The following TYW5 variants were observed in gnomAD, a reference collection of about 807,000 sequenced individuals.
The protein encoded by TYW5 is tRNA-yW synthesizing protein 5.
TYW5 carries 36 observed loss-of-function variants against 44.4 expected under a neutral mutation model. The ratio of observed to expected loss-of-function variants is 0.81; its 90% confidence interval spans 0.62 to 1.07. The LOEUF is 1.07. Ranked by LOEUF, TYW5 falls within the 50% of genes least tolerant of loss-of-function variation. The probability of loss-of-function intolerance (pLI) is 0.00; values close to 1 mark genes in which losing one functional copy is unlikely to be tolerated. For synonymous variants in TYW5, 121 were observed against 128.1 expected, an observed-to-expected ratio of 0.94 and a Z score of 0.37; for missense variants, 354 against 365.7, an observed-to-expected ratio of 0.97 and a Z score of 0.26.
intron 7 of TYW5, among the ~76,000 whole-genome samples, chr2:199,933,560 A>G (rs1401611379): frequency 6.6e-6 from 1 of 152,130 alleles, no homozygotes; most frequent in Non-Finnish European, 1.5e-5. Context: ...AGAAATAGCA[A>G]TTTTTCCTTT....
At chr2:199,951,255 T>C (rs1288899842) in intron 1 of TYW5, among the ~76,000 whole-genome samples, 1 of 152,216 alleles carries the variant, frequency 6.6e-6, no homozygotes, top group Admixed American at 6.5e-5. Context: ...AAGAACCTAC[T>C]GAGAACGTTA....
rs1381167106 is a variant in TYW5, at chr2:199,932,010, T to C, written c.*1057A>G. ...GGAAATCTTTAACTAGGCTAAGGTT[T>C]AGACATAGGTATAAATTATTTATTT... On this transcript the variant is annotated 3_prime_UTR_variant, in exon 8 of 8. Transcript: ENST00000354611. 1.1e-5 allele frequency: 1 copy of C among 92,378 alleles called. No homozygotes were observed. The highest frequency in any genetic ancestry group is 4.4e-5 in the African/African-American group (1 of 22,968). 5.7% of individuals were successfully genotyped at this position (92,378 alleles called of 1,614,324 possible).
intron 3 of TYW5, among the ~76,000 whole-genome samples, chr2:199,941,107 T>C (rs2077460848): frequency 6.6e-6 from 1 of 152,242 alleles, no homozygotes; most frequent in Non-Finnish European, 1.5e-5. Context: ...TCACCCAGGC[T>C]GGAGTGCAGT....
intron 1 of TYW5, among the ~76,000 whole-genome samples, chr2:199,952,819 G>A (rs975166122): frequency 6.6e-6 from 1 of 152,132 alleles, no homozygotes; most frequent in African/African-American, 2.4e-5. Flanking sequence ...CACAACTTGT[G>A]TAGTTTCATT....
Position 199,933,122 on chromosome 2 carries a change from G to A in TYW5, c.893C>T (p.Ala298Val). The change falls in exon 8 of 8, where the codon GCA becomes GTA. Residue 298 changes from alanine (A) to valine (V), a missense_variant. Coordinates refer to ENST00000354611, the MANE Select transcript of TYW5 (RefSeq NM_001039693.3). ...TTGAATGTGTAGGACCATTCGTCGT[G>A]CATAGAAGTCCCTATATTCCTCTGG... is the stretch of plus-strand genomic sequence containing the variant. ...ELPEEYRDFY[A>V]RRMVLHIQDK... The A allele has an allele frequency of 6.2e-7, 1 of 1,614,118 alleles. No homozygotes were observed. The highest frequency in any genetic ancestry group is 8.5e-7 in the Non-Finnish European group (1 of 1,179,998).
chr2:199,941,066 A>G (rs189861380), intron 3 of TYW5, among the ~76,000 whole-genome samples: 55 of 152,252 alleles, frequency 3.6e-4, no homozygotes, highest in African/African-American at 1.3e-3. Flanking sequence ...TTTTAAATTA[A>G]TTAATTGTTT....
intron 5 of TYW5, among the ~76,000 whole-genome samples, chr2:199,937,889 G>C (rs555332795): frequency 6.7e-6 from 1 of 149,602 alleles, no homozygotes; most frequent in East Asian, 1.9e-4. Context: ...CTGTGATTTA[G>C]AACTTAAAAA....
intron 2 of TYW5, chr2:199,944,383 CTGAAG>C (rs1402156631): frequency 6.6e-6 from 1 of 152,350 alleles, no homozygotes; most frequent in Non-Finnish European, 1.5e-5. Flanking sequence ...TTTAAGGCTT[CTGAAG>C]AATAGCTCAA....
At chr2:199,955,316 C>G (rs889123637) in intron 1 of TYW5, 77 bp downstream of exon 1, 1 of 1,522,970 alleles carries the variant, frequency 6.6e-7, no homozygotes, top group African/African-American at 1.4e-5. Flanking sequence ...CTCTAAAAAC[C>G]AGTTCCCAGC....
chr2:199,932,422 C>G lies in TYW5; in HGVS notation c.*645G>C, dbSNP rs1422246925. ...CCCTCATGTGGCCTCCACTTCTACTCTCAGCTCCAGTGGACCTGACTGCCC... is the reference window on the plus strand; with the variant it reads ...CCCTCATGTGGCCTCCACTTCTACTGTCAGCTCCAGTGGACCTGACTGCCC... On this transcript the variant is annotated 3_prime_UTR_variant, in exon 8 of 8. Coordinates refer to ENST00000354611, the MANE Select transcript of TYW5 (RefSeq NM_001039693.3). 1.3e-5 allele frequency: 2 copies of G among 152,286 alleles called. No individual in the cohort carries two copies. Among genetic ancestry groups the G allele is most frequent in the Admixed American group, 6.5e-5 (1 of 15,286 alleles). The allele number at this position is 152,286 out of a possible 1,614,324, so 9.4% of individuals were successfully genotyped here.
In TYW5 at chr2:199,935,433, C is replaced by T. The variant is rs189538476; in HGVS notation, c.691+498G>A. On this transcript the variant is annotated intron_variant, in intron 7 of 7. Transcript: ENST00000354611. ...ACCTCCTCAACCTCAACCTCAACCT[C>T]GTGGGCCCAAGAGATCCTTCTGCCT... is the stretch of plus-strand genomic sequence containing the variant. Among the ~76,000 whole-genome samples, 321 of 152,006 alleles carry T rather than the reference C, an allele frequency of 2.1e-3. 3 individuals carry two copies. The highest frequency in any genetic ancestry group is 3.5e-3 in the South Asian group (17 of 4,818).
chr2:199,939,181 G>T, intron 4 of TYW5, 111 bp from the exon 5 acceptor site: 1 of 899,484 alleles, frequency 1.1e-6, no homozygotes, highest in Non-Finnish European at 1.6e-6. Flanking sequence ...GTGACCATGT[G>T]CCAATACATG....
At position 199,955,424 on chromosome 2, in the gene TYW5, C is replaced by G; in HGVS notation, c.47G>C (p.Arg16Pro). ...GTAGAGGTGCTGCATGAACTGCTCC[C>G]GAGAAACGCCCTCCAGCCGGGGTAC... The part of the protein sequence containing the change: ...LPVPRLEGVS[R>P]EQFMQHLYPQ... The change falls in exon 1 of 8, where the codon CGG becomes CCG. Residue 16 changes from arginine to proline, a missense_variant. Physicochemically the swap from Arg to Pro is moderately radical, Grantham distance 103 (BLOSUM62 -2). Transcript: ENST00000354611. 3 of 1,613,920 alleles carry G rather than the reference C, an allele frequency of 1.9e-6. No individual in the cohort carries two copies. The highest frequency in any genetic ancestry group is 2.5e-6 in the Non-Finnish European group (3 of 1,179,974).
At chr2:199,945,334 T>C (rs1248043411) in intron 2 of TYW5, 1 of 152,182 alleles carries the variant, frequency 6.6e-6, no homozygotes, top group Non-Finnish European at 1.5e-5. Context: ...CGCAAAAAGC[T>C]AAGGGAATCT....
Position 199,933,006 on chromosome 2 carries a change from C to A in TYW5, c.*61G>T, listed in dbSNP as rs930815292. ...TGTATCTTTCCTATTTTAACAAAAT[C>A]TTTAATTTATATCGTTATACCTTAC... On this transcript the variant is annotated 3_prime_UTR_variant, in exon 8 of 8. Coordinates refer to ENST00000354611, the MANE Select transcript of TYW5 (RefSeq NM_001039693.3). The A allele has an allele frequency of 6.5e-7, 1 of 1,547,162 alleles. No individual in the cohort carries two copies. Among genetic ancestry groups the A allele is most frequent in the African/African-American group, 1.4e-5 (1 of 72,292 alleles).
At chr2:199,934,569 G>T (rs1469752138) in intron 7 of TYW5, among the ~76,000 whole-genome samples, 1 of 151,498 alleles carries the variant, frequency 6.6e-6, no homozygotes, top group African/African-American at 2.4e-5. Context: ...GCCCTTTTGG[G>T]GAAGACAAAG....
chr2:199,939,190 T>A (rs2077444930), intron 4 of TYW5, 120 bp from the exon 5 acceptor site: 1 of 855,716 alleles, frequency 1.2e-6, no homozygotes, highest in Non-Finnish European at 1.7e-6. Context: ...TGCCAATACA[T>A]GATCTCTCTC....
At position 199,932,719 on chromosome 2, in the gene TYW5, T is replaced by TG. The variant is rs2077389202; in HGVS notation, c.*347dup. The TG allele has an allele frequency of 4.7e-6, 1 of 213,200 alleles. No individual in the cohort carries two copies. The highest frequency in any genetic ancestry group is 1.3e-4 in the East Asian group (1 of 7,848). The allele number at this position is 213,200 out of a possible 1,614,324, so 13.2% of individuals were successfully genotyped here. A position where few individuals can be genotyped will look rare whatever the true frequency, so the allele number is the denominator to read the frequency against. On this transcript the variant is annotated 3_prime_UTR_variant, in exon 8 of 8. Transcript: ENST00000354611. ...TTGTGGTTGAAAAGGGGGTGGGGTG[T>TG]GGAGGCGGGTTCCCAAGGTTCTTGA...
intron 1 of TYW5, 95 bp downstream of exon 1, chr2:199,955,298 C>A (rs2077587732): frequency 1.4e-6 from 2 of 1,424,396 alleles, no homozygotes; most frequent in African/African-American, 2.8e-5. Flanking sequence ...CTTTCCCACA[C>A]CCTGGGTCTC....
Sources: gnomAD v4.1 joint callset for allele counts (sites outside exome capture counted in the v4.1 genomes callset) on GRCh38, gnomAD v4.1.1 for gene constraint, MANE v1.5 for transcripts, NCBI Gene and HGNC (gene_info 2026-07-23, HGNC 2026-07-21) for gene names.